GALNT13: variants seen among roughly 807,000 people sequenced by gnomAD.
The protein encoded by GALNT13 is UDP-GalNAc:polypeptide N-acetylgalactosaminyltransferase 13.
In GALNT13, 28 loss-of-function variants were observed where a neutral mutation model predicts 64.2. The ratio of observed to expected loss-of-function variants is 0.44; its 90% CI spans 0.32 to 0.60. GALNT13 has a LOEUF of 0.60. GALNT13 is among the 20% of genes least tolerant of loss of function. The pLI, the probability that GALNT13 is intolerant of heterozygous loss-of-function variation, is 0.05. For synonymous variants in GALNT13, 214 were observed against 224.6 expected (o/e 0.95, Z 0.42); for missense variants, 577 against 669.8 (o/e 0.86, Z 1.53).
the GALNT13 span, among the ~76,000 whole-genome samples, chr2:153,345,716 T>TCCTTCCTTCCTTCCTTC: frequency 4.5e-4 from 36 of 79,370 alleles, no homozygotes; most frequent in Non-Finnish European, 7.7e-4. Flanking sequence ...TTTCTCTCTT[T>TCCTTCCTTCCTTCCTTC]CTGTCCTTCC....
intron 3 of GALNT13, among the ~76,000 whole-genome samples, chr2:153,968,657 C>T (rs1441278951): frequency 6.6e-6 from 1 of 152,238 alleles, no homozygotes; most frequent in African/African-American, 2.4e-5. Context: ...TTCGTTCTAC[C>T]TTCCTCTGAA....
At chr2:154,347,141 A>G (rs941952816) in intron 9 of GALNT13, among the ~76,000 whole-genome samples, 4 of 152,176 alleles carry the variant, frequency 2.6e-5, no homozygotes, top group African/African-American at 9.6e-5. Flanking sequence ...AATAATTAAC[A>G]AGTAATTAAT....
chr2:154,106,476 A>T (rs1216512576), intron 3 of GALNT13, among the ~76,000 whole-genome samples: 1 of 152,020 alleles, frequency 6.6e-6, no homozygotes, highest in Non-Finnish European at 1.5e-5. Context: ...TTTGTAAAAA[A>T]TCTGTTGAAT....
the GALNT13 span, among the ~76,000 whole-genome samples, chr2:153,706,595 G>T: frequency 6.6e-6 from 1 of 152,174 alleles, no homozygotes; most frequent in Non-Finnish European, 1.5e-5. Flanking sequence ...ATATGCATAT[G>T]CAGGAACAGA....
intron 2 of GALNT13, among the ~76,000 whole-genome samples, chr2:153,923,446 T>A (rs549844793): frequency 6.6e-6 from 1 of 152,344 alleles, no homozygotes; most frequent in South Asian, 2.1e-4. Context: ...AAAATCATAC[T>A]CTACCTTGCT....
chr2:153,750,059 A>G, the GALNT13 span, among the ~76,000 whole-genome samples: 1 of 151,842 alleles, frequency 6.6e-6, no homozygotes, highest in African/African-American at 2.4e-5. Context: ...ATTTTATCAA[A>G]TTCCTTTAAT....
chr2:153,673,426 T>C, the GALNT13 span, among the ~76,000 whole-genome samples: 3 of 152,124 alleles, frequency 2.0e-5, no homozygotes, highest in Non-Finnish European at 4.4e-5. Context: ...ATAAACGTAA[T>C]CCATCACATA....
At chr2:154,124,532 G>T (rs1574548200) in intron 3 of GALNT13, among the ~76,000 whole-genome samples, 1 of 151,838 alleles carries the variant, frequency 6.6e-6, no homozygotes, top group East Asian at 1.9e-4. Context: ...GAGATATTTT[G>T]ATTTTTTGAT....
At chr2:153,920,965 T>G (rs1019448521) in intron 2 of GALNT13, among the ~76,000 whole-genome samples, 3 of 152,014 alleles carry the variant, frequency 2.0e-5, no homozygotes, top group Non-Finnish European at 4.4e-5. Context: ...TATTAAAAAG[T>G]CAAAAAATAG....
intron 3 of GALNT13, among the ~76,000 whole-genome samples, chr2:153,962,604 T>C (rs1227151987): frequency 6.6e-6 from 1 of 152,194 alleles, no homozygotes; most frequent in African/African-American, 2.4e-5. Flanking sequence ...GTTTAGCCAA[T>C]AAGTAAAACT....
downstream of GALNT13, among the ~76,000 whole-genome samples, chr2:154,456,148 GTT>G (rs5835521): frequency 0.63 from 92,118 of 145,134 alleles, 29,190 homozygotes; most frequent in Admixed American, 0.68. Context: ...GTCTTTTTTT[GTT>G]TTTTTTTTTT....
intron 3 of GALNT13, among the ~76,000 whole-genome samples, chr2:154,075,207 C>A (rs2105399298): frequency 6.6e-6 from 1 of 151,852 alleles, no homozygotes; most frequent in African/African-American, 2.4e-5. Context: ...CTGTACTGAA[C>A]CCATGTGACA....
intron 9 of GALNT13, among the ~76,000 whole-genome samples, chr2:154,387,905 A>G (rs535585131): frequency 5.9e-5 from 9 of 152,126 alleles, no homozygotes; most frequent in Non-Finnish European, 1.2e-4. Flanking sequence ...TATCCCTTTG[A>G]CATATTGATT....
chr2:153,778,108 G>T, the GALNT13 span, among the ~76,000 whole-genome samples: 5 of 152,264 alleles, frequency 3.3e-5, no homozygotes, highest in East Asian at 9.7e-4. Flanking sequence ...TGGCCTGCTG[G>T]CATGCCAGTG....
chr2:154,080,658 A>G (rs951128947), intron 3 of GALNT13, among the ~76,000 whole-genome samples: 1 of 151,666 alleles, frequency 6.6e-6, no homozygotes, highest in Non-Finnish European at 1.5e-5. Context: ...TCCAATATAC[A>G]TTCATAGTTC....
chr2:153,219,170 C>A, the GALNT13 span, among the ~76,000 whole-genome samples: 1 of 152,142 alleles, frequency 6.6e-6, no homozygotes, highest in Non-Finnish European at 1.5e-5. Flanking sequence ...TATTCCTTAC[C>A]AATTTAGTCA....
At chr2:154,385,870 G>T (rs1010037021) in intron 9 of GALNT13, among the ~76,000 whole-genome samples, 6 of 151,942 alleles carry the variant, frequency 3.9e-5, no homozygotes, top group Non-Finnish European at 7.4e-5. Flanking sequence ...AGCAATATTT[G>T]TCAGATATAG....
At chr2:154,371,768 G>T (rs799778) in intron 9 of GALNT13, among the ~76,000 whole-genome samples, 113,850 of 146,654 alleles carry the variant, frequency 0.78, 43,705 homozygotes, top group Middle Eastern at 0.83. Context: ...AGCTTTTTTT[G>T]TGTGTGTGTG....
At chr2:153,653,055 TG>T in the GALNT13 span, among the ~76,000 whole-genome samples, 1 of 152,146 alleles carries the variant, frequency 6.6e-6, no homozygotes, top group African/African-American at 2.4e-5. Flanking sequence ...ATACCTTAGG[TG>T]GCAGATAATC....
Sources: allele counts gnomAD v4.1 joint callset (sites outside exome capture counted in the v4.1 genomes callset), GRCh38; gene constraint gnomAD v4.1.1; transcripts MANE v1.5; gene names NCBI Gene and HGNC (gene_info 2026-07-23, HGNC 2026-07-21).